The following GRIP1 variants were observed in gnomAD, a reference collection of about 807,000 sequenced individuals.
GRIP1 encodes glutamate receptor interacting protein 1, also known as glutamate receptor-interacting protein 1.
In GRIP1, 45 loss-of-function variants were observed where a neutral mutation model predicts 129.9. The ratio of observed to expected loss-of-function variants is 0.35; its 90% CI spans 0.27 to 0.44. The LOEUF (loss-of-function observed/expected upper bound fraction) is 0.44, where lower values mean the gene tolerates loss of function less well. Ranked by LOEUF, GRIP1 falls within the 20% of genes least tolerant of loss-of-function variation. The pLI is 1.00. For synonymous variants in GRIP1, 530 were observed against 520.8 expected (o/e 1.02, Z -0.24); for missense variants, 1,196 against 1,396.8 (o/e 0.86, Z 2.29).
intron 1 of GRIP1, among the ~76,000 whole-genome samples, chr12:66,867,656 T>C (rs2137140992): frequency 6.6e-6 from 1 of 152,308 alleles, no homozygotes; most frequent in East Asian, 1.9e-4. Context: ...TCTTTGAAAA[T>C]AATTGTGATT....
chr12:66,501,792 G>T (rs987916301), intron 7 of GRIP1, among the ~76,000 whole-genome samples: 7 of 152,154 alleles, frequency 4.6e-5, no homozygotes, highest in Non-Finnish European at 8.8e-5. Context: ...CTGAAAAGGA[G>T]GGAATTTTAA....
chr12:66,797,152 C>T (rs960486007), intron 1 of GRIP1, among the ~76,000 whole-genome samples: 1 of 152,098 alleles, frequency 6.6e-6, no homozygotes, highest in Non-Finnish European at 1.5e-5. Flanking sequence ...TCTAATACAC[C>T]ACTAGGCATG....
At chr12:66,529,794 AT>A (rs746564949) in intron 5 of GRIP1, 36 bp downstream of exon 5, 48 of 1,103,926 alleles carry the variant, frequency 4.3e-5, no homozygotes, top group African/African-American at 6.1e-5. Context: ...CTATGGAAAT[AT>A]TTTTTTTAAA....
chr12:66,711,268 G>A (rs11176393), intron 1 of GRIP1, among the ~76,000 whole-genome samples: 1,785 of 151,816 alleles, frequency 0.012, 37 homozygotes, highest in African/African-American at 0.041. Context: ...CATTTAAAAA[G>A]GAAAAACAAA....
intron 1 of GRIP1, among the ~76,000 whole-genome samples, chr12:66,909,292 A>G (rs1218378448): frequency 1.3e-5 from 2 of 152,120 alleles, no homozygotes; most frequent in Non-Finnish European, 2.9e-5. Flanking sequence ...TATCCTTCCA[A>G]TGTTCTCTAT....
At chr12:66,837,767 T>C (rs2039641401) in intron 1 of GRIP1, among the ~76,000 whole-genome samples, 1 of 152,132 alleles carries the variant, frequency 6.6e-6, no homozygotes, top group Non-Finnish European at 1.5e-5. Context: ...TGAATGAGGA[T>C]GCGAGCAAAC....
chr12:66,879,162 G>A (rs2040431300), intron 1 of GRIP1, among the ~76,000 whole-genome samples: 1 of 151,842 alleles, frequency 6.6e-6, no homozygotes, highest in Non-Finnish European at 1.5e-5. Flanking sequence ...GTGTCCTCAG[G>A]TGGCTTTTAC....
At chr12:66,351,189 G>A (rs1187014379) in intron 24 of GRIP1, among the ~76,000 whole-genome samples, 2 of 152,138 alleles carry the variant, frequency 1.3e-5, no homozygotes, top group Admixed American at 6.5e-5. Context: ...TTGCTTCAGC[G>A]AACACATCCC....
chr12:66,925,843 CA>C (rs1428398029), intron 1 of GRIP1, among the ~76,000 whole-genome samples: 1 of 152,130 alleles, frequency 6.6e-6, no homozygotes, highest in Non-Finnish European at 1.5e-5. Context: ...AGTGTTTCTC[CA>C]AGTTGGTCAG....
chr12:66,900,135 A>G (rs187842761), intron 1 of GRIP1, among the ~76,000 whole-genome samples: 1 of 152,274 alleles, frequency 6.6e-6, no homozygotes, highest in African/African-American at 2.4e-5. Flanking sequence ...ATGTTTTTGT[A>G]TTACAGTCAT....
intron 1 of GRIP1, among the ~76,000 whole-genome samples, chr12:67,066,790 T>A (rs192191938): frequency 6.6e-5 from 10 of 151,104 alleles, no homozygotes; most frequent in African/African-American, 2.4e-4. Flanking sequence ...TCTCATCTCT[T>A]TACACTGAAA....
At chr12:66,396,593 T>G (rs980583438) in intron 16 of GRIP1, among the ~76,000 whole-genome samples, 11 of 152,190 alleles carry the variant, frequency 7.2e-5, no homozygotes, top group Non-Finnish European at 1.6e-4. Context: ...TTTATTGGCA[T>G]CTGAGTCCTC....
intron 7 of GRIP1, among the ~76,000 whole-genome samples, chr12:66,508,646 G>A (rs2060610211): frequency 6.6e-6 from 1 of 152,038 alleles, no homozygotes; most frequent in African/African-American, 2.4e-5. Flanking sequence ...AAAGCTCAGG[G>A]CATTTGGGAA....
chr12:66,526,840 A>T (rs1452398736), intron 5 of GRIP1, among the ~76,000 whole-genome samples: 1 of 151,488 alleles, frequency 6.6e-6, no homozygotes, highest in Non-Finnish European at 1.5e-5. Context: ...CAAGAAAAAA[A>T]CAACCCCATC....
chr12:66,687,976 G>A (rs886196107), intron 1 of GRIP1, among the ~76,000 whole-genome samples: 4 of 152,216 alleles, frequency 2.6e-5, no homozygotes, highest in African/African-American at 9.6e-5. Flanking sequence ...GGCAGGCTAT[G>A]TACTTGGAGT....
intron 1 of GRIP1, among the ~76,000 whole-genome samples, chr12:67,013,767 G>A (rs1243058885): frequency 1.3e-5 from 2 of 152,170 alleles, no homozygotes; most frequent in Non-Finnish European, 2.9e-5. Flanking sequence ...CATTTTATCT[G>A]GATGGGATAG....
intron 1 of GRIP1, among the ~76,000 whole-genome samples, chr12:66,895,868 C>T (rs1385277034): frequency 6.6e-6 from 1 of 152,064 alleles, no homozygotes; most frequent in Non-Finnish European, 1.5e-5. Flanking sequence ...CTAGTTTAGC[C>T]TAAATAATAA....
chr12:66,646,516 T>G (rs964225797), intron 1 of GRIP1, among the ~76,000 whole-genome samples: 1 of 152,126 alleles, frequency 6.6e-6, no homozygotes, highest in Non-Finnish European at 1.5e-5. Flanking sequence ...CCCAGTGACT[T>G]GGGAGGCTGA....
intron 1 of GRIP1, among the ~76,000 whole-genome samples, chr12:66,672,921 T>G (rs2034149383): frequency 6.6e-6 from 1 of 152,186 alleles, no homozygotes; most frequent in South Asian, 2.1e-4. Flanking sequence ...GTTTTTTTGT[T>G]TGTTTGTTTT....
Sources: allele counts gnomAD v4.1 joint callset (sites outside exome capture counted in the v4.1 genomes callset), GRCh38; gene constraint gnomAD v4.1.1; transcripts MANE v1.5; gene names NCBI Gene and HGNC (gene_info 2026-07-23, HGNC 2026-07-21).